SPOCK1: variants seen among roughly 807,000 people sequenced by gnomAD.
SPOCK1 encodes the protein SPARC (osteonectin), cwcv and kazal like domains proteoglycan 1, also known as testican-1.
In SPOCK1, 23 loss-of-function variants were observed where a neutral mutation model predicts 55.3. The observed-to-expected ratio is 0.42, with a 90% CI of 0.30 to 0.59. The LOEUF is 0.59. Among genes scored for constraint, SPOCK1 ranks in the 20% least tolerant of loss-of-function variants. The pLI is 0.22. For synonymous variants in SPOCK1, 226 were observed against 221.0 expected, an observed-to-expected ratio of 1.02 and a Z score of -0.20; for missense variants, 499 against 552.5, an observed-to-expected ratio of 0.90 and a Z score of 0.97.
At chr5:137,099,580 A>G (rs199916512) in intron 5 of SPOCK1, among the ~76,000 whole-genome samples, 13,402 of 44,032 alleles carry the variant, frequency 0.3, 779 homozygotes, top group East Asian at 0.48. Context: ...ATGTGTGTGT[A>G]TATATATATA....
chr5:137,176,502 ATGTG>A (rs10527760), intron 3 of SPOCK1, among the ~76,000 whole-genome samples: 26 of 150,374 alleles, frequency 1.7e-4, no homozygotes, highest in African/African-American at 2.9e-4. Flanking sequence ...CCCCACCACA[ATGTG>A]TGTGTGTGTG....
intron 4 of SPOCK1, among the ~76,000 whole-genome samples, chr5:137,138,504 T>TACACACACACACACAC (rs34293195): frequency 1.4e-5 from 2 of 147,606 alleles, no homozygotes; most frequent in Admixed American, 1.3e-4. Flanking sequence ...CACACAAACA[T>TACACACACACACACAC]ACACACACAC....
intron 5 of SPOCK1, among the ~76,000 whole-genome samples, chr5:137,104,968 C>T (rs932691712): frequency 1.3e-5 from 2 of 152,088 alleles, no homozygotes; most frequent in East Asian, 1.9e-4. Flanking sequence ...AAAACTGGTC[C>T]CTGTGCCAAA....
At chr5:137,053,495 C>T (rs1752247687) in intron 6 of SPOCK1, among the ~76,000 whole-genome samples, 1 of 152,082 alleles carries the variant, frequency 6.6e-6, no homozygotes, top group Admixed American at 6.5e-5. Flanking sequence ...ATGTGTTTAG[C>T]TGCAAATAAG....
At chr5:136,995,586 T>A (rs1436226853) in intron 6 of SPOCK1, among the ~76,000 whole-genome samples, 1 of 152,224 alleles carries the variant, frequency 6.6e-6, no homozygotes, top group African/African-American at 2.4e-5. Flanking sequence ...CTCTATTTTT[T>A]CTCTATTGCC....
chr5:137,245,231 C>A (rs1207303049), intron 3 of SPOCK1, among the ~76,000 whole-genome samples: 1 of 152,042 alleles, frequency 6.6e-6, no homozygotes, highest in Non-Finnish European at 1.5e-5. Context: ...CATCATATTT[C>A]ACTAGGATTC....
intron 2 of SPOCK1, among the ~76,000 whole-genome samples, chr5:137,498,026 A>C (rs1486566667): frequency 6.6e-6 from 1 of 151,960 alleles, no homozygotes; most frequent in Non-Finnish European, 1.5e-5. Context: ...GTCTACCATC[A>C]CGGTTAGGAG....
chr5:137,399,929 C>T (rs754706506), intron 2 of SPOCK1, among the ~76,000 whole-genome samples: 4 of 152,158 alleles, frequency 2.6e-5, no homozygotes, highest in Non-Finnish European at 5.9e-5. Flanking sequence ...AACCACTAGG[C>T]TTGTTAACTC....
chr5:137,221,261 A>G (rs1300065909), intron 3 of SPOCK1, among the ~76,000 whole-genome samples: 1 of 152,220 alleles, frequency 6.6e-6, no homozygotes, highest in Non-Finnish European at 1.5e-5. Context: ...CCAATGAGTT[A>G]TAGTTACTAA....
At chr5:137,309,360 C>T (rs1031870294) in intron 2 of SPOCK1, among the ~76,000 whole-genome samples, 2 of 152,162 alleles carry the variant, frequency 1.3e-5, no homozygotes, top group Non-Finnish European at 2.9e-5. Flanking sequence ...CAGGCACCTC[C>T]TCTGTGGGCT....
At chr5:137,299,044 A>G (rs940676551) in intron 2 of SPOCK1, among the ~76,000 whole-genome samples, 2 of 151,988 alleles carry the variant, frequency 1.3e-5, no homozygotes, top group Non-Finnish European at 2.9e-5. Flanking sequence ...TATTTGTTCC[A>G]TCTGTTCTAA....
In SPOCK1 at chr5:137,485,700, T is replaced by C. The variant is rs139843030; in HGVS notation, c.186+12673A>G. 9.9e-5 allele frequency among the ~76,000 whole-genome samples: 15 copies of C among 152,168 alleles called. No individual in the cohort carries two copies. In the East Asian group the frequency reaches 2.9e-3, roughly 29 times the overall value. ...AGGTAAATAAATTGTGGAATATTTA[T>C]ACTGCAATGAAAATTTTAAAAACAC... On this transcript the variant is annotated intron_variant, in intron 2 of 10. Coordinates refer to ENST00000394945, the MANE Select transcript of SPOCK1 (RefSeq NM_004598.4).
chr5:137,139,720 T>C (rs1379592504), intron 4 of SPOCK1, among the ~76,000 whole-genome samples: 1 of 152,106 alleles, frequency 6.6e-6, no homozygotes, highest in African/African-American at 2.4e-5. Flanking sequence ...ACCTCTCAAT[T>C]GTACAGGCAG....
At chr5:136,989,592 T>TATATCATTCCCACTGTACAGATGA (rs1485347489) in intron 7 of SPOCK1, among the ~76,000 whole-genome samples, 2 of 152,188 alleles carry the variant, frequency 1.3e-5, no homozygotes, top group Non-Finnish European at 2.9e-5. Flanking sequence ...GAAATGGTGC[T>TATATCATTCCCACTGTACAGATGA]ATATCATTCC....
chr5:137,136,988 C>A (rs976251593), intron 4 of SPOCK1, among the ~76,000 whole-genome samples: 12 of 152,222 alleles, frequency 7.9e-5, no homozygotes, highest in Non-Finnish European at 1.3e-4. Context: ...CTTGGCCCCC[C>A]ACTGAAATTG....
At chr5:137,200,287 A>C (rs1257517180) in intron 3 of SPOCK1, among the ~76,000 whole-genome samples, 1 of 152,030 alleles carries the variant, frequency 6.6e-6, no homozygotes, top group African/African-American at 2.4e-5. Flanking sequence ...TCCTCACTTC[A>C]TTCTAGTCTT....
At chr5:137,462,557 G>T (rs532608206) in intron 2 of SPOCK1, among the ~76,000 whole-genome samples, 1 of 152,226 alleles carries the variant, frequency 6.6e-6, no homozygotes, top group East Asian at 1.9e-4. Flanking sequence ...TATGACCCAG[G>T]GCAAGTTATC....
At chr5:137,123,913 C>T (rs796849509) in intron 4 of SPOCK1, among the ~76,000 whole-genome samples, 122 of 152,152 alleles carry the variant, frequency 8.0e-4, no homozygotes, top group African/African-American at 2.7e-3. Flanking sequence ...GGTCAAAATA[C>T]CCACCAGAAA....
chr5:137,471,456 A>G (rs2149839680), intron 2 of SPOCK1, among the ~76,000 whole-genome samples: 1 of 152,316 alleles, frequency 6.6e-6, no homozygotes, highest in Non-Finnish European at 1.5e-5. Context: ...CAAAGGTTAA[A>G]TGGAATACAA....
Sources: gnomAD v4.1 joint callset for allele counts (sites outside exome capture counted in the v4.1 genomes callset) on GRCh38, gnomAD v4.1.1 for gene constraint, MANE v1.5 for transcripts, NCBI Gene and HGNC (gene_info 2026-07-23, HGNC 2026-07-21) for gene names.